The following TSPAN18 variants were observed in gnomAD, a reference collection of about 807,000 sequenced individuals.
The protein encoded by TSPAN18 is tetraspanin-18.
A neutral mutation model predicts 27.3 loss-of-function variants in TSPAN18; 14 were observed. The ratio of observed to expected loss-of-function variants is 0.51; its 90% confidence interval spans 0.34 to 0.80. The LOEUF (loss-of-function observed/expected upper bound fraction) is 0.80. Ranked by LOEUF, TSPAN18 falls within the 30% of genes least tolerant of loss-of-function variation. The pLI is 0.01. For synonymous variants in TSPAN18, 143 were observed against 136.5 expected (o/e 1.05, Z -0.33); for missense variants, 268 against 323.9 (o/e 0.83, Z 1.32).
intron 1 of TSPAN18, among the ~76,000 whole-genome samples, chr11:44,738,251 T>C (rs914200077): frequency 2.3e-4 from 35 of 152,294 alleles, no homozygotes; most frequent in African/African-American, 7.9e-4. Context: ...TTGTGGATGA[T>C]CACAGCTAAT....
At chr11:44,906,652 A>C (rs1859464215) in intron 4 of TSPAN18, among the ~76,000 whole-genome samples, 173 bp downstream of exon 4, 1 of 151,694 alleles carries the variant, frequency 6.6e-6, no homozygotes, top group African/African-American at 2.4e-5. Context: ...TGCCCACCCC[A>C]CTCTGAAGAG....
At chr11:44,866,446 A>G (rs1410785915) in intron 3 of TSPAN18, among the ~76,000 whole-genome samples, 1 of 152,214 alleles carries the variant, frequency 6.6e-6, no homozygotes, top group Non-Finnish European at 1.5e-5. Flanking sequence ...GGCCCCGCAG[A>G]CAGGCTTCTT....
chr11:44,869,725 C>A (rs1429976683), intron 3 of TSPAN18, among the ~76,000 whole-genome samples: 1 of 152,234 alleles, frequency 6.6e-6, no homozygotes, highest in African/African-American at 2.4e-5. Context: ...TGAGCTGTCA[C>A]ACGGGCCCAG....
rs1272946610 is a variant in TSPAN18, at chr11:44,931,954, G to GTA, written c.*2778_*2779dup. The GTA allele has an allele frequency of 6.6e-6, 1 of 152,422 alleles. No individual in the cohort carries two copies. Among genetic ancestry groups the GTA allele is most frequent in the African/African-American group, 2.4e-5 (1 of 41,588 alleles). 9.4% of individuals were successfully genotyped at this position (152,422 alleles called of 1,614,324 possible). ...ACACCGCTCATCACAAACCCTGCCT[G>GTA]TATCGAAAGCCACTTTCCTGCTCTG... On this transcript the variant is annotated 3_prime_UTR_variant, in exon 10 of 10. Coordinates refer to ENST00000520358, the MANE Select transcript of TSPAN18 (RefSeq NM_130783.5).
intron 2 of TSPAN18, among the ~76,000 whole-genome samples, chr11:44,811,578 G>C (rs1045722667): frequency 2.8e-4 from 43 of 151,804 alleles, no homozygotes; most frequent in Non-Finnish European, 4.6e-4. Context: ...TCCTGCCTCA[G>C]CCTCCCGAGA....
At chr11:44,922,907 G>A (rs1424973544) in intron 8 of TSPAN18, among the ~76,000 whole-genome samples, 5 of 152,152 alleles carry the variant, frequency 3.3e-5, no homozygotes, top group African/African-American at 4.8e-5. Flanking sequence ...TCAGGAGTTC[G>A]AGACCAGCCC....
chr11:44,829,784 A>G (rs1590544170), intron 2 of TSPAN18, among the ~76,000 whole-genome samples: 1 of 152,190 alleles, frequency 6.6e-6, no homozygotes, highest in Non-Finnish European at 1.5e-5. Flanking sequence ...TGGCTGCACC[A>G]TTTTGCACTC....
intron 1 of TSPAN18, among the ~76,000 whole-genome samples, chr11:44,732,432 T>A (rs1854685723): frequency 6.6e-6 from 1 of 152,204 alleles, no homozygotes; most frequent in East Asian, 1.9e-4. Flanking sequence ...CCTCGGTTGA[T>A]CTGATTCTCT....
chr11:44,838,573 C>T (rs115601878), intron 2 of TSPAN18, among the ~76,000 whole-genome samples: 3,244 of 152,244 alleles, frequency 0.021, 45 homozygotes, highest in Middle Eastern at 0.071. Flanking sequence ...AATCAAATCA[C>T]ACGGGTCCTT....
chr11:44,798,297 G>A (rs1224029421), intron 2 of TSPAN18, among the ~76,000 whole-genome samples: 8 of 152,190 alleles, frequency 5.3e-5, no homozygotes, highest in South Asian at 2.1e-4. Context: ...GCTTTCCTGC[G>A]TCTTTCATGT....
intron 2 of TSPAN18, among the ~76,000 whole-genome samples, chr11:44,768,155 G>A (rs1855612247): frequency 6.6e-6 from 1 of 152,178 alleles, no homozygotes. Flanking sequence ...GCAGGATTTT[G>A]ATTGGGGTCG....
chr11:44,820,538 C>T (rs1442373084), intron 2 of TSPAN18, among the ~76,000 whole-genome samples: 1 of 152,200 alleles, frequency 6.6e-6, no homozygotes, highest in Non-Finnish European at 1.5e-5. Context: ...CTGTTTTGGC[C>T]ACTTGCTGTG....
Position 44,926,775 on chromosome 11 carries a change from C to T in TSPAN18, c.699+18C>T, listed in dbSNP as rs1173274234. On this transcript the variant is annotated intron_variant, in intron 9 of 9. Transcript: ENST00000520358. ...CCATCGAGGTAAGTAAAGGCCCCCACTTCTGCCGCTCCCCAGGATGAAGCC... is the reference window on the plus strand; with the variant it reads ...CCATCGAGGTAAGTAAAGGCCCCCATTTCTGCCGCTCCCCAGGATGAAGCC... The T allele has an allele frequency of 6.2e-7, 1 of 1,612,760 alleles. No homozygotes were observed. Among genetic ancestry groups the T allele is most frequent in the Non-Finnish European group, 8.5e-7 (1 of 1,178,754 alleles).
chr11:44,870,249 C>T (rs1565185057), intron 3 of TSPAN18, among the ~76,000 whole-genome samples: 1 of 152,210 alleles, frequency 6.6e-6, no homozygotes. Flanking sequence ...CCATCAGTCC[C>T]TGTTCCCACC....
intron 3 of TSPAN18, among the ~76,000 whole-genome samples, chr11:44,876,052 A>G (rs1858322512): frequency 6.6e-6 from 1 of 152,160 alleles, no homozygotes; most frequent in South Asian, 2.1e-4. Context: ...CCTGGCCTGC[A>G]TGGGGCTGGG....
intron 2 of TSPAN18, among the ~76,000 whole-genome samples, chr11:44,845,895 C>T (rs1857470192): frequency 6.6e-6 from 1 of 152,206 alleles, no homozygotes; most frequent in Non-Finnish European, 1.5e-5. Context: ...ACGGCATTTC[C>T]CAAGGCAGCA....
intron 5 of TSPAN18, among the ~76,000 whole-genome samples, chr11:44,917,339 G>T (rs962761894): frequency 2.0e-5 from 3 of 152,242 alleles, no homozygotes; most frequent in Admixed American, 2.0e-4. Flanking sequence ...GAGGCACTGT[G>T]GTTCATTCAG....
At chr11:44,920,665 T>A (rs1020589210) in intron 8 of TSPAN18, among the ~76,000 whole-genome samples, 8 of 151,852 alleles carry the variant, frequency 5.3e-5, no homozygotes, top group Admixed American at 1.3e-4. Context: ...CCAGTGTGGG[T>A]GTGTGACCAG....
chr11:44,787,917 G>C (rs767011742), intron 2 of TSPAN18, among the ~76,000 whole-genome samples: 2 of 117,224 alleles, frequency 1.7e-5, no homozygotes, highest in Non-Finnish European at 3.1e-5. Context: ...TTACAACACA[G>C]GCAGACAGTC....
Sources: gnomAD v4.1 joint callset for allele counts (sites outside exome capture counted in the v4.1 genomes callset) on GRCh38, gnomAD v4.1.1 for gene constraint, MANE v1.5 for transcripts, NCBI Gene and HGNC (gene_info 2026-07-23, HGNC 2026-07-21) for gene names.